The following ATAD2 variants were observed in gnomAD, a reference collection of about 807,000 sequenced individuals.
ATAD2 encodes ATPase family AAA domain-containing protein 2.
Under a neutral mutation model 168.9 loss-of-function variants are expected in ATAD2, and 62 were observed. The ratio of observed to expected loss-of-function variants is 0.37; its 90% CI spans 0.30 to 0.45. The LOEUF (loss-of-function observed/expected upper bound fraction) is 0.45, where lower values mean the gene tolerates loss of function less well. Among genes scored for constraint, ATAD2 ranks in the 20% least tolerant of loss-of-function variants. The pLI is 1.00. For missense variants in ATAD2, 1,419 were observed against 1,667.8 expected (o/e 0.85, Z 2.60); for synonymous variants, 613 against 571.6 (o/e 1.07, Z -1.03).
intron 21 of ATAD2, 23 bp downstream of exon 21, chr8:123,337,602 T>G (rs1160469234): frequency 1.3e-6 from 2 of 1,563,248 alleles, no homozygotes; most frequent in Non-Finnish European, 1.7e-6. Context: ...AGAATACACT[T>G]GATCCAAAGA....
chr8:123,371,892 A>G (rs377607650), intron 3 of ATAD2, 57 bp from the exon 4 acceptor site: 1 of 1,356,474 alleles, frequency 7.4e-7, no homozygotes, highest in Non-Finnish European at 9.7e-7. Flanking sequence ...AGTATTTATA[A>G]AACAATTCTA....
In ATAD2 at chr8:123,357,453, T is replaced by G. The variant is rs192797092; in HGVS notation, c.1557+109A>C. ...ATAATCTAGAAAGAAATAGTCTAAT[T>G]CTTCTGGGTTTATTTAGAACACTGA... On this transcript the variant is annotated intron_variant, in intron 12 of 27. Coordinates refer to ENST00000287394, the MANE Select transcript of ATAD2 (RefSeq NM_014109.4). 2.5e-4 allele frequency: 265 copies of G among 1,068,126 alleles called. No individual in the cohort carries two copies. The African/African-American group carries it at 3.8e-3, about 15-fold the overall frequency. 66.2% of individuals were successfully genotyped at this position (1,068,126 alleles called of 1,614,324 possible).
At chr8:123,323,172 A>C (rs1586851629) in intron 26 of ATAD2, 106 bp from the exon 27 acceptor site, 1 of 1,232,504 alleles carries the variant, frequency 8.1e-7, no homozygotes, top group South Asian at 1.7e-5. Context: ...CAGAGGGTAG[A>C]CCAAGCCATC....
intron 27 of ATAD2, among the ~76,000 whole-genome samples, chr8:123,321,439 T>A (rs1362389874): frequency 2.6e-5 from 4 of 151,182 alleles, no homozygotes; most frequent in Non-Finnish European, 5.9e-5. Flanking sequence ...GGTACTGATG[T>A]AGTTAGAGTT....
chr8:123,398,343 GC>G (rs1812950649), upstream of ATAD2, among the ~76,000 whole-genome samples: 1 of 147,524 alleles, frequency 6.8e-6, no homozygotes, highest in Non-Finnish European at 1.5e-5. Context: ...CGATTGTCCT[GC>G]CTAAGCCTCC....
intron 1 of ATAD2, among the ~76,000 whole-genome samples, chr8:123,395,457 T>C (rs1021177590): frequency 6.6e-6 from 1 of 152,212 alleles, no homozygotes; most frequent in South Asian, 2.1e-4. Context: ...TGCTTGTAAC[T>C]GCAGCATGAC....
At chr8:123,345,505 A>C (rs1828208410) in intron 18 of ATAD2, among the ~76,000 whole-genome samples, 1 of 141,466 alleles carries the variant, frequency 7.1e-6, no homozygotes, top group Admixed American at 6.9e-5. Context: ...CTATTAAAAT[A>C]CAAAAAAAAA....
In ATAD2 at chr8:123,319,959, A is replaced by G. The variant is rs907386004; in HGVS notation, c.*1175T>C. Reference sequence around the variant, plus strand: ...GAATAATTTATAATAAACCAACAAAAATGAGAATGTGTATCTCCAGGAATA... The same window carrying G: ...GAATAATTTATAATAAACCAACAAAGATGAGAATGTGTATCTCCAGGAATA... On this transcript the variant is annotated 3_prime_UTR_variant, in exon 28 of 28. Transcript: ENST00000287394. 8 of 152,184 alleles carry G rather than the reference A, an allele frequency of 5.3e-5. No homozygotes were observed. Among genetic ancestry groups the G allele is most frequent in the Admixed American group, 2.6e-4 (4 of 15,274 alleles). 9.4% of individuals were successfully genotyped at this position (152,184 alleles called of 1,614,324 possible).
intron 1 of ATAD2, 79 bp from the exon 2 acceptor site, chr8:123,380,756 G>C: frequency 6.8e-7 from 1 of 1,460,606 alleles, no homozygotes; most frequent in South Asian, 1.3e-5. Flanking sequence ...AGTATTCTCT[G>C]ATTACAAGTT....
chr8:123,379,626 G>A lies in ATAD2; in HGVS notation c.320+903C>T, dbSNP rs551624021. Among the ~76,000 whole-genome samples, 16 of 149,582 alleles carry A rather than the reference G, an allele frequency of 1.1e-4. 2 individuals carry two copies. Among genetic ancestry groups the A allele is most frequent in the Middle Eastern group, 3.4e-3 (1 of 290 alleles). On this transcript the variant is annotated intron_variant, in intron 2 of 27. Coordinates refer to ENST00000287394, the MANE Select transcript of ATAD2 (RefSeq NM_014109.4). ...TGCCCAGGCTAGAGTACAGTGGCAC[G>A]ATCTTGCCTCACTGCAATCTCTGCC...
intron 2 of ATAD2, 65 bp from the exon 3 acceptor site, chr8:123,372,751 T>A (rs1208163048): frequency 4.5e-6 from 6 of 1,347,690 alleles, no homozygotes; most frequent in Non-Finnish European, 6.1e-6. Context: ...TTTATTTAGA[T>A]GGGATTGCAC....
intron 8 of ATAD2, among the ~76,000 whole-genome samples, chr8:123,365,464 T>A (rs926265101): frequency 6.6e-6 from 1 of 152,162 alleles, no homozygotes; most frequent in Non-Finnish European, 1.5e-5. Flanking sequence ...AAAGCCTGCA[T>A]AGCCAAAGCA....
At chr8:123,349,568 A>C in intron 13 of ATAD2, 124 bp from the exon 14 acceptor site, 1 of 851,452 alleles carries the variant, frequency 1.2e-6, no homozygotes, top group South Asian at 1.9e-5. Context: ...AGGGCACCTC[A>C]CTATTTCCAA....
chr8:123,372,582 A>G, intron 3 of ATAD2, 55 bp downstream of exon 3: 1 of 1,373,732 alleles, frequency 7.3e-7, no homozygotes, highest in South Asian at 1.4e-5. Flanking sequence ...AAAAACCTGT[A>G]AACAGAATAT....
intron 26 of ATAD2, 70 bp downstream of exon 26, chr8:123,325,823 C>A (rs996919081): frequency 2.6e-6 from 4 of 1,554,940 alleles, no homozygotes; most frequent in Non-Finnish European, 3.5e-6. Flanking sequence ...CAGAATGCTA[C>A]TAGTCACAAG....
At chr8:123,328,991 CG>C (rs1563832700) in intron 24 of ATAD2, among the ~76,000 whole-genome samples, 1 of 151,844 alleles carries the variant, frequency 6.6e-6, no homozygotes, top group Middle Eastern at 3.4e-3. Flanking sequence ...TTAGTAGAGA[CG>C]GGGTTTCAAC....
At chr8:123,386,094 G>A (rs555554683) in intron 1 of ATAD2, among the ~76,000 whole-genome samples, 18 of 151,456 alleles carry the variant, frequency 1.2e-4, no homozygotes, top group Non-Finnish European at 2.1e-4. Flanking sequence ...GTGTGTTGCT[G>A]GTGGTAACAT....
chr8:123,367,369 A>G (rs1056227932), intron 8 of ATAD2, among the ~76,000 whole-genome samples: 1 of 152,216 alleles, frequency 6.6e-6, no homozygotes, highest in African/African-American at 2.4e-5. Flanking sequence ...GTGAGCCGAG[A>G]TCGCGCCACT....
intron 13 of ATAD2, among the ~76,000 whole-genome samples, chr8:123,351,398 C>T (rs1006941915): frequency 6.6e-6 from 1 of 152,138 alleles, no homozygotes; most frequent in Non-Finnish European, 1.5e-5. Context: ...TAAGTAGCTG[C>T]CCCCACCAGT....
Sources: gnomAD v4.1 joint callset for allele counts (sites outside exome capture counted in the v4.1 genomes callset) on GRCh38, gnomAD v4.1.1 for gene constraint, MANE v1.5 for transcripts, NCBI Gene and HGNC (gene_info 2026-07-23, HGNC 2026-07-21) for gene names.